CNTN5: variants seen among roughly 807,000 people sequenced by gnomAD.
CNTN5 encodes contactin 5.
Under a neutral mutation model 129.1 loss-of-function variants are expected in CNTN5, and 77 were observed. That is an observed-to-expected ratio of 0.60 (90% CI 0.50 to 0.72). The LOEUF (loss-of-function observed/expected upper bound fraction) is 0.72, where lower values mean the gene tolerates loss of function less well. Ranked by LOEUF, CNTN5 falls within the 30% of genes least tolerant of loss-of-function variation. The pLI is 0.00. For missense variants in CNTN5, 1,478 were observed against 1,328.8 expected, an observed-to-expected ratio of 1.11 and a Z score of -1.75; for synonymous variants, 509 against 465.6, an observed-to-expected ratio of 1.09 and a Z score of -1.20.
At chr11:99,418,996 G>A (rs1048625355) in intron 2 of CNTN5, among the ~76,000 whole-genome samples, 1 of 152,162 alleles carries the variant, frequency 6.6e-6, no homozygotes, top group African/African-American at 2.4e-5. Flanking sequence ...CTAATACTCA[G>A]TGTCCTCAAC....
intron 8 of CNTN5, among the ~76,000 whole-genome samples, chr11:99,988,152 G>T (rs768834246): frequency 1.3e-5 from 2 of 152,190 alleles, no homozygotes; most frequent in Non-Finnish European, 2.9e-5. Context: ...TGTCTACAGA[G>T]CAAATCAGGA....
chr11:99,074,878 AC>A (rs1865497112), intron 1 of CNTN5, among the ~76,000 whole-genome samples: 1 of 152,136 alleles, frequency 6.6e-6, no homozygotes, highest in Admixed American at 6.6e-5. Context: ...TACAACATGT[AC>A]CAGCCAATAG....
intron 8 of CNTN5, among the ~76,000 whole-genome samples, chr11:99,981,835 A>G (rs540695983): frequency 2.6e-5 from 4 of 152,354 alleles, no homozygotes; most frequent in South Asian, 2.1e-4. Context: ...AGAATTATCT[A>G]TATGCAAATA....
chr11:99,418,891 G>A (rs1467850491), intron 2 of CNTN5, among the ~76,000 whole-genome samples: 1 of 152,152 alleles, frequency 6.6e-6, no homozygotes, highest in Non-Finnish European at 1.5e-5. Context: ...TTACCTGTGT[G>A]AATTGTGGAA....
chr11:99,227,922 T>G (rs1295116728), intron 1 of CNTN5, among the ~76,000 whole-genome samples: 1 of 152,202 alleles, frequency 6.6e-6, no homozygotes, highest in Non-Finnish European at 1.5e-5. Flanking sequence ...TTATACGCAC[T>G]ATTGAAATTT....
chr11:99,132,189 A>C (rs557072500), intron 1 of CNTN5, among the ~76,000 whole-genome samples: 1 of 127,042 alleles, frequency 7.9e-6, no homozygotes, highest in Non-Finnish European at 1.6e-5. Context: ...GCCTTGGATA[A>C]AATTTAACAT....
At chr11:99,663,104 A>T (rs927795640) in intron 3 of CNTN5, among the ~76,000 whole-genome samples, 1 of 106,410 alleles carries the variant, frequency 9.4e-6, no homozygotes, top group African/African-American at 2.9e-5. Context: ...ATGGTCTTAC[A>T]GACAATAGTC....
intron 4 of CNTN5, among the ~76,000 whole-genome samples, chr11:99,824,648 A>G (rs1443721809): frequency 1.3e-5 from 2 of 151,740 alleles, no homozygotes; most frequent in African/African-American, 4.8e-5. Flanking sequence ...TCATGTCCTA[A>G]AAAAAACCCT....
Position 100,271,229 on chromosome 11 carries a change from A to C in CNTN5, c.2302A>C (p.Thr768Pro). The C allele has an allele frequency of 1.9e-6, 3 of 1,600,894 alleles. No homozygotes were observed. Among genetic ancestry groups the C allele is most frequent in the Non-Finnish European group, 2.6e-6 (3 of 1,175,854 alleles). The change falls in exon 18 of 25, where the codon ACA (threonine) becomes CCA (proline). Residue 768 changes from threonine to proline, a missense_variant. Transcript: ENST00000524871. ...AAGCACCCCATCTCGAATGATCCGCACAAATGAAGCAGGTAAAAATTTGGA... is the reference window on the plus strand; with the variant it reads ...AAGCACCCCATCTCGAATGATCCGCCCAAATGAAGCAGGTAAAAATTTGGA... ...DPSTPSRMIR[T>P]NEAVPKTAPT...
rs182098715 is a variant in CNTN5 at position 99,621,704 on chromosome 11, C to T, written c.55+65435C>T. On this transcript the variant is annotated intron_variant, in intron 3 of 24. Coordinates refer to ENST00000524871, the MANE Select transcript of CNTN5 (RefSeq NM_014361.4). Reference sequence around the variant, plus strand: ...AATTTGTTCATAATATTTAAGATTGCAACTGTAACATTTCTTTATTAACCT... The same window carrying T: ...AATTTGTTCATAATATTTAAGATTGTAACTGTAACATTTCTTTATTAACCT... Among the ~76,000 whole-genome samples the T allele has an allele frequency of 5.9e-5, 9 of 151,786 alleles. No homozygotes were observed. In the East Asian group the frequency reaches 1.7e-3, roughly 29 times the overall value.
chr11:99,934,403 AGTT>A (rs1244087941), intron 7 of CNTN5, among the ~76,000 whole-genome samples: 3 of 152,226 alleles, frequency 2.0e-5, no homozygotes, highest in Admixed American at 2.0e-4. Context: ...AACAATTGAC[AGTT>A]GTTTTAAAAA....
At chr11:99,943,647 T>TA (rs1950492523) in intron 7 of CNTN5, among the ~76,000 whole-genome samples, 1 of 147,074 alleles carries the variant, frequency 6.8e-6, no homozygotes, top group Non-Finnish European at 1.5e-5. Flanking sequence ...GGTTTTCTTC[T>TA]AGGGTTTTTA....
chr11:99,053,771 G>C (rs1283259563), intron 1 of CNTN5, among the ~76,000 whole-genome samples: 1 of 151,888 alleles, frequency 6.6e-6, no homozygotes, highest in East Asian at 1.9e-4. Flanking sequence ...AAAACCATTA[G>C]GCTTAAGTTG....
In CNTN5 at chr11:99,786,354, G is replaced by A. The variant is rs937752820; in HGVS notation, c.56-33190G>A. On this transcript the variant is annotated intron_variant, in intron 3 of 24. Coordinates refer to ENST00000524871, the MANE Select transcript of CNTN5 (RefSeq NM_014361.4). ...CAAACCGCTGCTCAAGGAAATTGGA[G>A]GACACAAACAAATGGAAAAACATTC... is the stretch of plus-strand genomic sequence containing the variant. Among the ~76,000 whole-genome samples the A allele has an allele frequency of 1.4e-4, 22 of 151,808 alleles. No homozygotes were observed. The South Asian group carries it at 1.5e-3, about 10-fold the overall frequency.
chr11:99,310,184 C>G (rs1383747841), intron 1 of CNTN5, among the ~76,000 whole-genome samples: 2 of 152,022 alleles, frequency 1.3e-5, no homozygotes, highest in Non-Finnish European at 2.9e-5. Flanking sequence ...AGTATCTGCA[C>G]ATATTTATAT....
chr11:99,744,926 G>T (rs933806778), intron 3 of CNTN5, among the ~76,000 whole-genome samples: 1 of 152,048 alleles, frequency 6.6e-6, no homozygotes, highest in Non-Finnish European at 1.5e-5. Context: ...TGTAAGGCAG[G>T]CGTTATTTTT....
chr11:99,694,161 T>C (rs1565434242), intron 3 of CNTN5, among the ~76,000 whole-genome samples: 1 of 151,976 alleles, frequency 6.6e-6, no homozygotes, highest in Non-Finnish European at 1.5e-5. Context: ...TATATCACAA[T>C]ACGGCTCTGA....
At position 99,439,633 on chromosome 11, in the gene CNTN5, G is replaced by A. The variant is rs573797723; in HGVS notation, c.-71+114149G>A. 7.0e-5 allele frequency among the ~76,000 whole-genome samples: 10 copies of A among 143,822 alleles called. 1 individual carries two copies. The highest frequency in any genetic ancestry group is 4.3e-4 in the Admixed American group (6 of 13,864). The allele number at this position is 143,822 out of a possible 152,430, so 94.4% of individuals were successfully genotyped here. A position where few individuals can be genotyped will look rare whatever the true frequency, so the allele number is the denominator to read the frequency against. Reference sequence around the variant, plus strand: ...TGAGGCAGGAGAATCGCTTGAACCCGGAAGGCGGAGGTTGCAGTGAGCCAA... The same window carrying A: ...TGAGGCAGGAGAATCGCTTGAACCCAGAAGGCGGAGGTTGCAGTGAGCCAA... On this transcript the variant is annotated intron_variant, in intron 2 of 24. Transcript: ENST00000524871.
chr11:99,820,235 A>G (rs1174890233), intron 4 of CNTN5, among the ~76,000 whole-genome samples: 5 of 152,286 alleles, frequency 3.3e-5, no homozygotes, highest in Non-Finnish European at 7.3e-5. Flanking sequence ...TAGGATTAAG[A>G]CTAAATACTC....
Sources: allele counts gnomAD v4.1 joint callset (sites outside exome capture counted in the v4.1 genomes callset), GRCh38; gene constraint gnomAD v4.1.1; transcripts MANE v1.5; gene names NCBI Gene and HGNC (gene_info 2026-07-23, HGNC 2026-07-21).